EXOC4: variants seen among roughly 807,000 people sequenced by gnomAD.
The protein encoded by EXOC4 is SEC8-like 1.
EXOC4 carries 71 observed loss-of-function variants against 107.2 expected under a neutral mutation model. The ratio of observed to expected loss-of-function variants is 0.66; its 90% confidence interval spans 0.55 to 0.81. The LOEUF is 0.81. EXOC4 is among the 30% of genes least tolerant of loss of function. EXOC4 has a pLI of 0.00. For missense variants in EXOC4, 1,108 were observed against 1,189.6 expected, an observed-to-expected ratio of 0.93 and a Z score of 1.01; for synonymous variants, 456 against 441.2, an observed-to-expected ratio of 1.03 and a Z score of -0.42.
At chr7:133,385,061 C>T (rs1393548974) in intron 7 of EXOC4, among the ~76,000 whole-genome samples, 3 of 152,152 alleles carry the variant, frequency 2.0e-5, no homozygotes, top group African/African-American at 7.2e-5. Flanking sequence ...TTCTGTTTCA[C>T]CATATGACCT....
intron 17 of EXOC4, among the ~76,000 whole-genome samples, chr7:134,022,391 T>C (rs1795049642): frequency 6.6e-6 from 1 of 152,170 alleles, no homozygotes; most frequent in African/African-American, 2.4e-5. Context: ...AGCTATTGGC[T>C]ATCAGCTATT....
intron 9 of EXOC4, among the ~76,000 whole-genome samples, chr7:133,528,856 C>T (rs1800128103): frequency 6.6e-6 from 1 of 152,058 alleles, no homozygotes; most frequent in Admixed American, 6.5e-5. Context: ...AATCTCTGTT[C>T]ATTTATACAT....
At chr7:133,516,863 T>C (rs1000417925) in intron 9 of EXOC4, among the ~76,000 whole-genome samples, 2 of 149,228 alleles carry the variant, frequency 1.3e-5, no homozygotes, top group African/African-American at 2.5e-5. Flanking sequence ...TTGTTTATTC[T>C]TCCCTCTTTG....
At chr7:133,436,013 G>GA (rs1360810317) in intron 7 of EXOC4, among the ~76,000 whole-genome samples, 12 of 144,680 alleles carry the variant, frequency 8.3e-5, no homozygotes, top group African/African-American at 3.0e-4. Context: ...GCCACATAAG[G>GA]AAGGGCAGGG....
At chr7:134,017,598 T>C (rs1794939756) in intron 17 of EXOC4, among the ~76,000 whole-genome samples, 1 of 152,216 alleles carries the variant, frequency 6.6e-6, no homozygotes, top group African/African-American at 2.4e-5. Flanking sequence ...TCTCCCTTTT[T>C]TTACATTTAC....
chr7:133,290,401 T>C (rs1263615630), intron 3 of EXOC4, among the ~76,000 whole-genome samples: 1 of 152,234 alleles, frequency 6.6e-6, no homozygotes. Flanking sequence ...TTAATAATAA[T>C]GACTATAGGG....
intron 5 of EXOC4, among the ~76,000 whole-genome samples, chr7:133,329,813 G>T (rs1175333230): frequency 6.6e-6 from 1 of 152,180 alleles, no homozygotes; most frequent in Non-Finnish European, 1.5e-5. Flanking sequence ...TCTCAGAGGG[G>T]CACCAGCCAG....
At chr7:133,273,085 C>A (rs1793910488) in intron 1 of EXOC4, among the ~76,000 whole-genome samples, 1 of 152,118 alleles carries the variant, frequency 6.6e-6, no homozygotes, top group Non-Finnish European at 1.5e-5. Flanking sequence ...AGTTAAACAT[C>A]TAGGAACCCT....
At chr7:133,410,762 T>G (rs887040337) in intron 7 of EXOC4, among the ~76,000 whole-genome samples, 1 of 152,242 alleles carries the variant, frequency 6.6e-6, no homozygotes, top group East Asian at 1.9e-4. Flanking sequence ...TTTCTATATA[T>G]GCTTATATAG....
intron 5 of EXOC4, among the ~76,000 whole-genome samples, chr7:133,324,649 A>G (rs1795193772): frequency 6.6e-6 from 1 of 152,164 alleles, no homozygotes; most frequent in African/African-American, 2.4e-5. Flanking sequence ...CAATTTTGGA[A>G]TAAGTGTGAT....
At chr7:133,380,564 T>G (rs1253273183) in intron 7 of EXOC4, among the ~76,000 whole-genome samples, 2 of 152,196 alleles carry the variant, frequency 1.3e-5, no homozygotes, top group African/African-American at 4.8e-5. Context: ...ACTGATCTAC[T>G]TTTTGGAAAT....
chr7:133,462,678 T>A (rs188028503), intron 7 of EXOC4, among the ~76,000 whole-genome samples: 9 of 152,262 alleles, frequency 5.9e-5, no homozygotes, highest in Admixed American at 2.6e-4. Context: ...TTTAAAAAAA[T>A]TTTTTATATT....
rs769624916 is a variant in EXOC4 at position 134,004,988 on chromosome 7, G to A, written c.2425G>A (p.Asp809Asn). ...YAIVANVESMDYDPLVVKLNK... is the reference protein window; with the variant it reads ...YAIVANVESMNYDPLVVKLNK... ...CATTGTGGCTAATGTGGAAAGTATG[G>A]ATTATGACCCCCTGGTGGTCAAGCT... The change falls in exon 16 of 18, where the codon GAT becomes AAT. Residue 809 changes from aspartate to asparagine, a missense_variant. Coordinates refer to ENST00000253861, the MANE Select transcript of EXOC4 (RefSeq NM_021807.4). 5.0e-6 allele frequency: 8 copies of A among 1,613,450 alleles called. No individual in the cohort carries two copies. The East Asian group carries it at 1.3e-4, about 27-fold the overall frequency.
chr7:133,741,847 C>T (rs557060812), intron 10 of EXOC4, among the ~76,000 whole-genome samples: 3 of 152,160 alleles, frequency 2.0e-5, no homozygotes, highest in African/African-American at 4.8e-5. Context: ...CTTTGTTTCT[C>T]AGTACCTTCC....
intron 10 of EXOC4, chr7:133,733,511 G>A (rs1051918175): frequency 2.0e-5 from 3 of 151,960 alleles, no homozygotes; most frequent in African/African-American, 7.2e-5. Context: ...AAAAAATAAA[G>A]ATAAAAAAAG....
chr7:133,420,917 T>C (rs1797589964), intron 7 of EXOC4, among the ~76,000 whole-genome samples: 1 of 151,062 alleles, frequency 6.6e-6, no homozygotes, highest in Non-Finnish European at 1.5e-5. Flanking sequence ...ACTTTTGTAG[T>C]GCTGTTGTAC....
In EXOC4 at chr7:133,856,037, G is replaced by A. The variant is rs1033912810; in HGVS notation, c.1734+38493G>A. On this transcript the variant is annotated intron_variant, in intron 11 of 17. Transcript: ENST00000253861. ...AGGAAGGTTAAAAGATCTGGAACAC[G>A]TAAAAGTACTTTATCAAACCCTACA... Among the ~76,000 whole-genome samples the A allele has an allele frequency of 3.3e-5, 5 of 152,278 alleles. No homozygotes were observed. In the East Asian group the frequency reaches 5.8e-4, roughly 18 times the overall value.
chr7:133,968,358 A>T (rs1466887771), intron 14 of EXOC4, among the ~76,000 whole-genome samples: 1 of 152,160 alleles, frequency 6.6e-6, no homozygotes, highest in Non-Finnish European at 1.5e-5. Flanking sequence ...TAACATTGTT[A>T]TGTGTGAATT....
At chr7:133,608,519 G>A (rs1257236955) in intron 9 of EXOC4, among the ~76,000 whole-genome samples, 1 of 136,992 alleles carries the variant, frequency 7.3e-6, no homozygotes, top group Non-Finnish European at 1.6e-5. Flanking sequence ...ATAAATGGTT[G>A]TTATCTGAAG....
Sources: allele counts gnomAD v4.1 joint callset (sites outside exome capture counted in the v4.1 genomes callset), GRCh38; gene constraint gnomAD v4.1.1; transcripts MANE v1.5; gene names NCBI Gene and HGNC (gene_info 2026-07-23, HGNC 2026-07-21).